Variants in DRG1 observed in about 807,000 individuals in gnomAD.
DRG1 encodes the protein developmentally-regulated GTP-binding protein 1.
A neutral mutation model predicts 38.8 loss-of-function variants in DRG1; 19 were observed. The ratio of observed to expected loss-of-function variants is 0.49; its 90% CI spans 0.34 to 0.72. DRG1 has a LOEUF of 0.72. Ranked by LOEUF, DRG1 falls within the 30% of genes least tolerant of loss-of-function variation. DRG1 has a pLI of 0.01. For synonymous variants in DRG1, 167 were observed against 157.5 expected (o/e 1.06, Z -0.45); for missense variants, 299 against 444.8 (o/e 0.67, Z 2.95).
In DRG1 at chr22:31,426,824, C is replaced by G. The variant is rs931699807; in HGVS notation, c.881+42C>G. ...AGGGTAATGTTGCTATAGGAATTAACCAGACTGTCCTAAAATGATACTTTC... is the reference window on the plus strand; with the variant it reads ...AGGGTAATGTTGCTATAGGAATTAAGCAGACTGTCCTAAAATGATACTTTC... On this transcript the variant is annotated intron_variant, in intron 7 of 8. Transcript: ENST00000331457. 5 of 1,594,398 alleles carry G rather than the reference C, an allele frequency of 3.1e-6. No individual in the cohort carries two copies. In the African/African-American group the frequency reaches 6.7e-5, roughly 22 times the overall value.
chr22:31,431,022 C>CCG (rs2050135784), intron 8 of DRG1, among the ~76,000 whole-genome samples: 1 of 4,888 alleles, frequency 2.0e-4, no homozygotes, highest in Non-Finnish European at 9.7e-4. Context: ...CCGGCCTTCC[C>CCG]CCCCCCCCCC....
Position 31,403,249 on chromosome 22 carries a change from C to A in DRG1, c.342+45C>A, listed in dbSNP as rs553446001. On this transcript the variant is annotated intron_variant, in intron 3 of 8. Coordinates refer to ENST00000331457, the MANE Select transcript of DRG1 (RefSeq NM_004147.4). ...TAAGGAAGGAAAGAAATCTATTCTT[C>A]ATTTAGGAAGAAGTTTATTGGGAGC... 42 of 1,545,548 alleles carry A rather than the reference C, an allele frequency of 2.7e-5. No individual in the cohort carries two copies. In the South Asian group the frequency reaches 4.2e-4, roughly 15 times the overall value.
chr22:31,423,178 T>C (rs1271847936), intron 5 of DRG1, 102 bp from the exon 6 acceptor site: 3 of 1,438,650 alleles, frequency 2.1e-6, no homozygotes, highest in Non-Finnish European at 2.9e-6. Context: ...AGTAATGAGT[T>C]TGCATCTTAG....
intron 8 of DRG1, 111 bp from the exon 9 acceptor site, chr22:31,433,761 A>G (rs953116702): frequency 1.0e-5 from 9 of 862,468 alleles, no homozygotes; most frequent in South Asian, 3.3e-5. Flanking sequence ...TTGTAGGTCT[A>G]TGGTTCTTAA....
chr22:31,424,317 A>G (rs2050095346), intron 6 of DRG1, among the ~76,000 whole-genome samples: 1 of 151,214 alleles, frequency 6.6e-6, no homozygotes, highest in African/African-American at 2.4e-5. Flanking sequence ...ATGCCCAGCT[A>G]ATTTTGTATT....
intron 4 of DRG1, among the ~76,000 whole-genome samples, chr22:31,417,143 G>A (rs1469675738): frequency 3.3e-5 from 5 of 151,520 alleles, no homozygotes; most frequent in African/African-American, 7.3e-5. Flanking sequence ...AGGCCGAGGC[G>A]GGTGGATCAC....
chr22:31,429,182 G>T (rs546975368), intron 8 of DRG1, among the ~76,000 whole-genome samples: 1 of 152,192 alleles, frequency 6.6e-6, no homozygotes, highest in South Asian at 2.1e-4. Flanking sequence ...GTAGTGGCAC[G>T]ATATCAGCTC....
intron 4 of DRG1, among the ~76,000 whole-genome samples, chr22:31,414,105 A>G (rs1236335666): frequency 1.3e-5 from 2 of 151,368 alleles, no homozygotes; most frequent in Non-Finnish European, 2.9e-5. Flanking sequence ...CCATCATCAG[A>G]CTCTTTAAAT....
chr22:31,400,238 G>A (rs778338214), intron 1 of DRG1, among the ~76,000 whole-genome samples: 1 of 151,922 alleles, frequency 6.6e-6, no homozygotes, highest in Non-Finnish European at 1.5e-5. Context: ...TGACATCTGT[G>A]TGGGAGCAGT....
rs545152065 is a variant in DRG1, at chr22:31,402,620, C to T, written c.167-409C>T. On this transcript the variant is annotated intron_variant, in intron 2 of 8. Transcript: ENST00000331457. Reference sequence around the variant, plus strand: ...ACCTCCTGGGCTCAAGCGATCCTCCCACCTCAGCCTCTGAAGTAGCTGAGA... The same window carrying T: ...ACCTCCTGGGCTCAAGCGATCCTCCTACCTCAGCCTCTGAAGTAGCTGAGA... Among the ~76,000 whole-genome samples, 6 of 151,854 alleles carry T rather than the reference C, an allele frequency of 4.0e-5. No individual in the cohort carries two copies. The South Asian group carries it at 1.2e-3, about 32-fold the overall frequency.
chr22:31,404,993 A>G (rs1265194896), intron 3 of DRG1, among the ~76,000 whole-genome samples: 1 of 152,046 alleles, frequency 6.6e-6, no homozygotes, highest in Non-Finnish European at 1.5e-5. Flanking sequence ...TATATAAAGC[A>G]TTGACTTTTT....
At chr22:31,413,381 G>A (rs1056494979) in intron 4 of DRG1, among the ~76,000 whole-genome samples, 1 of 151,744 alleles carries the variant, frequency 6.6e-6, no homozygotes, top group Non-Finnish European at 1.5e-5. Flanking sequence ...GGTGTGAGCT[G>A]CTGCACTTGG....
intron 4 of DRG1, 40 bp downstream of exon 4, chr22:31,411,121 C>G (rs754481708): frequency 2.1e-5 from 34 of 1,600,764 alleles, no homozygotes; most frequent in Non-Finnish European, 2.8e-5. Flanking sequence ...ATATCATTCC[C>G]TTCTCTGGTA....
intron 3 of DRG1, among the ~76,000 whole-genome samples, chr22:31,405,749 C>T (rs1037600324): frequency 6.6e-6 from 1 of 151,854 alleles, no homozygotes; most frequent in Non-Finnish European, 1.5e-5. Context: ...AGTGCAGTGG[C>T]GTGATCTTGG....
In DRG1 at chr22:31,399,606, T is replaced by A. The variant is rs2049948569; in HGVS notation, c.-78T>A. ...GAAGTACCGCGCCTGCGTGCTGCAG[T>A]AGCGCCTGGTGGCGGTGGCAGTTTG... is the stretch of plus-strand genomic sequence containing the variant. On this transcript the variant is annotated 5_prime_UTR_variant, in exon 1 of 9. Coordinates refer to ENST00000331457, the MANE Select transcript of DRG1 (RefSeq NM_004147.4). The A allele has an allele frequency of 1.0e-5, 16 of 1,596,194 alleles. No individual in the cohort carries two copies. The highest frequency in any genetic ancestry group is 1.3e-5 in the Non-Finnish European group (15 of 1,163,666).
At chr22:31,400,555 A>G (rs1337385493) in intron 1 of DRG1, 65 bp from the exon 2 acceptor site, 3 of 1,582,752 alleles carry the variant, frequency 1.9e-6, no homozygotes, top group Non-Finnish European at 2.6e-6. Context: ...GAAAAAAATT[A>G]TCCTCTCAAA....
intron 2 of DRG1, among the ~76,000 whole-genome samples, chr22:31,401,189 C>G (rs569035705): frequency 8.2e-5 from 12 of 147,162 alleles, no homozygotes; most frequent in Admixed American, 2.0e-4. Context: ...GAGGCTGAGG[C>G]GGGAGGATTG....
intron 5 of DRG1, 140 bp from the exon 6 acceptor site, chr22:31,423,140 G>T: frequency 8.7e-6 from 9 of 1,039,154 alleles, no homozygotes; most frequent in Non-Finnish European, 1.1e-5. Context: ...CCTACTAAAA[G>T]TCAGTGACAC....
intron 4 of DRG1, among the ~76,000 whole-genome samples, chr22:31,415,868 T>C (rs541779999): frequency 2.9e-4 from 44 of 152,218 alleles, no homozygotes; most frequent in African/African-American, 8.9e-4. Context: ...TCTTTTTTTT[T>C]CCCCTTTGAT....
Sources: gnomAD v4.1 joint callset for allele counts (sites outside exome capture counted in the v4.1 genomes callset) on GRCh38, gnomAD v4.1.1 for gene constraint, MANE v1.5 for transcripts, NCBI Gene and HGNC (gene_info 2026-07-23, HGNC 2026-07-21) for gene names.